Variants in KCNIP4 observed in about 807,000 individuals in gnomAD.
KCNIP4 encodes potassium voltage-gated channel interacting protein 4, also known as Kv channel-interacting protein 4.
Under a neutral mutation model 34.0 loss-of-function variants are expected in KCNIP4, and 12 were observed. The ratio of observed to expected loss-of-function variants is 0.35; its 90% CI spans 0.23 to 0.57. The LOEUF (loss-of-function observed/expected upper bound fraction) is 0.57. Ranked by LOEUF, KCNIP4 falls within the 20% of genes least tolerant of loss-of-function variation. The probability of loss-of-function intolerance (pLI) is 0.83; values close to 1 mark genes in which losing one functional copy is unlikely to be tolerated. For missense variants in KCNIP4, 238 were observed against 311.7 expected, an observed-to-expected ratio of 0.76 and a Z score of 1.78; for synonymous variants, 124 against 102.2, an observed-to-expected ratio of 1.21 and a Z score of -1.29.
At chr4:21,088,126 C>A (rs193206470) in intron 1 of KCNIP4, among the ~76,000 whole-genome samples, 1 of 151,834 alleles carries the variant, frequency 6.6e-6, no homozygotes, top group Admixed American at 6.6e-5. Flanking sequence ...TGTTGGCCCC[C>A]TTCAAGACTC....
chr4:21,750,996 C>T (rs1046076108), intron 1 of KCNIP4, among the ~76,000 whole-genome samples: 1 of 152,036 alleles, frequency 6.6e-6, no homozygotes, highest in East Asian at 1.9e-4. Flanking sequence ...AGTAGGGGGT[C>T]CTACTGTAGG....
chr4:21,433,774 G>C (rs771964850), intron 1 of KCNIP4, among the ~76,000 whole-genome samples: 1 of 152,104 alleles, frequency 6.6e-6, no homozygotes, highest in Non-Finnish European at 1.5e-5. Context: ...AATCTCTTTA[G>C]CTGGATATTT....
chr4:21,306,189 A>G (rs1169008201), intron 1 of KCNIP4, among the ~76,000 whole-genome samples: 1 of 152,232 alleles, frequency 6.6e-6, no homozygotes, highest in African/African-American at 2.4e-5. Flanking sequence ...AGCAGGCTCA[A>G]GGTCACACAG....
intron 1 of KCNIP4, among the ~76,000 whole-genome samples, chr4:21,485,676 C>T (rs953247106): frequency 2.6e-5 from 4 of 152,194 alleles, no homozygotes; most frequent in Admixed American, 6.5e-5. Flanking sequence ...CTAGCAGAAT[C>T]ATGGGATCCT....
In KCNIP4 at chr4:21,093,497, C is replaced by A. The variant is rs572503539; in HGVS notation, c.62-210788G>T. On this transcript the variant is annotated intron_variant, in intron 1 of 8. Transcript: ENST00000382152. ...GGAAACTTCTTCAGAAACAAGACAT[C>A]AGTGTATCCAAAAAGTTCTTTGGAT... Among the ~76,000 whole-genome samples the A allele has an allele frequency of 1.8e-3, 276 of 152,214 alleles. 2 individuals carry two copies. The highest frequency in any genetic ancestry group is 2.0e-3 in the Non-Finnish European group (139 of 68,000).
chr4:21,370,688 T>A (rs1290596303), intron 1 of KCNIP4, among the ~76,000 whole-genome samples: 1 of 138,558 alleles, frequency 7.2e-6, no homozygotes, highest in Non-Finnish European at 1.5e-5. Context: ...GAGTGAGCCA[T>A]TTGGGATATC....
intron 5 of KCNIP4, among the ~76,000 whole-genome samples, chr4:20,735,155 T>C (rs909046840): frequency 6.6e-6 from 1 of 152,234 alleles, no homozygotes; most frequent in Non-Finnish European, 1.5e-5. Context: ...CCATAAAAGA[T>C]AAACCAATTG....
chr4:20,861,392 TCA>T (rs989931506), intron 2 of KCNIP4, among the ~76,000 whole-genome samples: 9 of 152,144 alleles, frequency 5.9e-5, no homozygotes, highest in African/African-American at 2.2e-4. Context: ...TCCAAGCTGA[TCA>T]CACACAGGCT....
rs536885278 is a variant in KCNIP4 at position 21,602,848 on chromosome 4, A to T, written c.61+345723T>A. 2.6e-5 allele frequency among the ~76,000 whole-genome samples: 4 copies of T among 152,284 alleles called. No individual in the cohort carries two copies. The South Asian group carries it at 8.3e-4, about 32-fold the overall frequency. ...AGGGAGGTACTTTAAATCTCTTCTT[A>T]ATTAAAGAAATAAAGATTCTTGGAA... On this transcript the variant is annotated intron_variant, in intron 1 of 8. Coordinates refer to ENST00000382152, the MANE Select transcript of KCNIP4 (RefSeq NM_025221.6).
chr4:20,944,778 G>A (rs1462199180), intron 1 of KCNIP4, among the ~76,000 whole-genome samples: 1 of 152,208 alleles, frequency 6.6e-6, no homozygotes, highest in Non-Finnish European at 1.5e-5. Context: ...GAGGAGCCAG[G>A]AAGCTTTGGG....
At chr4:21,676,618 C>T (rs1470202373) in intron 1 of KCNIP4, among the ~76,000 whole-genome samples, 2 of 152,160 alleles carry the variant, frequency 1.3e-5, no homozygotes, top group Non-Finnish European at 2.9e-5. Flanking sequence ...AATAAATCAG[C>T]TTCATGTTCC....
chr4:21,556,280 T>C (rs1738999541), intron 1 of KCNIP4, among the ~76,000 whole-genome samples: 1 of 152,130 alleles, frequency 6.6e-6, no homozygotes. Context: ...ATGATGTGTT[T>C]TATCAACAAA....
rs114285157 is a variant in KCNIP4, at chr4:21,341,317, A to G, written c.62-458608T>C. 2.6e-3 allele frequency among the ~76,000 whole-genome samples: 395 copies of G among 152,204 alleles called. 3 individuals carry two copies. The highest frequency in any genetic ancestry group is 9.1e-3 in the African/African-American group (377 of 41,546). On this transcript the variant is annotated intron_variant, in intron 1 of 8. Transcript: ENST00000382152. ...TTTTACAGCAGCCTAGGAAACTAAC[A>G]CTGGTTCTAAATGACAAATTGACAA...
At chr4:21,625,866 T>C (rs1042245862) in intron 1 of KCNIP4, among the ~76,000 whole-genome samples, 1 of 152,174 alleles carries the variant, frequency 6.6e-6, no homozygotes, top group Non-Finnish European at 1.5e-5. Context: ...GGAGTGATCA[T>C]AGCTGTCTGG....
chr4:21,502,192 C>T (rs1209367973), intron 1 of KCNIP4, among the ~76,000 whole-genome samples: 1 of 152,004 alleles, frequency 6.6e-6, no homozygotes, highest in Non-Finnish European at 1.5e-5. Flanking sequence ...AATCCCTTTA[C>T]TATCAAAAAG....
chr4:21,739,259 A>T (rs1037444253), intron 1 of KCNIP4, among the ~76,000 whole-genome samples: 2 of 152,130 alleles, frequency 1.3e-5, no homozygotes, highest in Admixed American at 6.6e-5. Flanking sequence ...TTACCCTAAG[A>T]CCATACAACT....
intron 1 of KCNIP4, among the ~76,000 whole-genome samples, chr4:21,428,716 G>A (rs1726145563): frequency 6.6e-6 from 1 of 152,184 alleles, no homozygotes; most frequent in Non-Finnish European, 1.5e-5. Context: ...TAGGAATCAA[G>A]GTGCACATTT....
chr4:21,010,524 G>A (rs993795469), intron 1 of KCNIP4, among the ~76,000 whole-genome samples: 8 of 152,030 alleles, frequency 5.3e-5, no homozygotes, highest in South Asian at 2.1e-4. Context: ...ACCTTTATGC[G>A]ATGAATTTGA....
intron 1 of KCNIP4, among the ~76,000 whole-genome samples, chr4:21,799,003 A>C (rs1720823770): frequency 6.6e-6 from 1 of 152,254 alleles, no homozygotes; most frequent in African/African-American, 2.4e-5. Context: ...TAGAAGAAAT[A>C]TCAATTTTTA....
Sources: allele counts gnomAD v4.1 joint callset (sites outside exome capture counted in the v4.1 genomes callset), GRCh38; gene constraint gnomAD v4.1.1; transcripts MANE v1.5; gene names NCBI Gene and HGNC (gene_info 2026-07-23, HGNC 2026-07-21).